ZNHIT3: variants seen among roughly 807,000 people sequenced by gnomAD.
The protein encoded by ZNHIT3 is zinc finger HIT domain-containing protein 3.
A neutral mutation model predicts 19.9 loss-of-function variants in ZNHIT3; 27 were observed. That is an observed-to-expected ratio of 1.36 (90% CI 1.00 to 1.87). ZNHIT3 has a LOEUF of 1.87. Ranked by LOEUF, ZNHIT3 falls within the 40% of genes most tolerant of loss-of-function variation. The pLI is 0.00. For synonymous variants in ZNHIT3, 81 were observed against 65.7 expected, an observed-to-expected ratio of 1.23 and a Z score of -1.13; for missense variants, 215 against 185.6, an observed-to-expected ratio of 1.16 and a Z score of -0.92.
intron 2 of ZNHIT3, among the ~76,000 whole-genome samples, chr17:36,487,879 G>A (rs1234687642): frequency 6.6e-6 from 1 of 151,952 alleles, no homozygotes; most frequent in African/African-American, 2.4e-5. Context: ...CGAGGCGGGC[G>A]GATCATTTGA....
At chr17:36,490,712 A>G (rs1224440989) in intron 2 of ZNHIT3, 1 of 152,146 alleles carries the variant, frequency 6.6e-6, no homozygotes, top group Non-Finnish European at 1.5e-5. Flanking sequence ...TTATTGGTGG[A>G]TATTTACATT....
chr17:36,490,261 A>G (rs993571950), intron 2 of ZNHIT3: 1 of 152,168 alleles, frequency 6.6e-6, no homozygotes, highest in Non-Finnish European at 1.5e-5. Flanking sequence ...ATGGTGACAG[A>G]TAAGGATCTA....
In ZNHIT3 at chr17:36,486,710, T is replaced by G. The variant is rs143659130; in HGVS notation, c.11T>G (p.Leu4Arg). MASLKCSTVVCVIC... is the reference protein window; with the variant it reads MASRKCSTVVCVIC... ...TCCTTCCACAAAACCATGGCGTCGC[T>G]CAAATGTAGCACCGTCGTCTGCGTG... Residue 4 changes from leucine (L) to arginine (R), a missense_variant, in exon 1 of 5, where the codon CTC becomes CGC. Leu to Arg is a moderately radical substitution (Grantham distance 102, BLOSUM62 -2). Coordinates refer to ENST00000617429, the MANE Select transcript of ZNHIT3 (RefSeq NM_004773.4). 1.2e-6 allele frequency: 2 copies of G among 1,613,810 alleles called. No individual in the cohort carries two copies. Among genetic ancestry groups the G allele is most frequent in the Non-Finnish European group, 1.7e-6 (2 of 1,179,892 alleles).
chr17:36,487,273 C>G (rs893002051), intron 2 of ZNHIT3, among the ~76,000 whole-genome samples: 1 of 152,194 alleles, frequency 6.6e-6, no homozygotes, highest in Non-Finnish European at 1.5e-5. Flanking sequence ...CTTTTCCCAC[C>G]GAGGTCTACC....
chr17:36,493,881 GCCT>G (rs755288400), intron 3 of ZNHIT3, 42 bp from the exon 4 acceptor site: 46 of 1,394,198 alleles, frequency 3.3e-5, no homozygotes, highest in Non-Finnish European at 4.7e-5. Context: ...TGGTGCCCAG[GCCT>G]CCTTTTTAGC....
chr17:36,498,271 G>T (rs1270488334), downstream of ZNHIT3: 2 of 1,610,402 alleles, frequency 1.2e-6, no homozygotes, highest in Non-Finnish European at 1.7e-6. Context: ...CGTACCTGAG[G>T]CAGCGCTCGG....
intron 2 of ZNHIT3, chr17:36,489,263 G>A (rs2070668664): frequency 6.6e-6 from 1 of 152,166 alleles, no homozygotes; most frequent in Non-Finnish European, 1.5e-5. Flanking sequence ...AGGAGTGCAG[G>A]TATCTCTTCG....
At chr17:36,497,125 T>A (rs773418109), downstream of ZNHIT3, among the ~76,000 whole-genome samples, 14 of 151,362 alleles carry the variant, frequency 9.2e-5, no homozygotes, top group Non-Finnish European at 1.5e-4. Flanking sequence ...AGGTCAGGAG[T>A]TTGAGACCAG....
At chr17:36,495,899 T>TGGC, downstream of ZNHIT3, 5 of 1,220,418 alleles carry the variant, frequency 4.1e-6, no homozygotes, top group Non-Finnish European at 5.1e-6. Flanking sequence ...AGGCCAACTT[T>TGGC]GGCTGTTTTC....
chr17:36,489,173 G>A (rs1006732573), intron 2 of ZNHIT3: 6 of 152,186 alleles, frequency 3.9e-5, no homozygotes, highest in Non-Finnish European at 7.3e-5. Flanking sequence ...GTGTATATAT[G>A]TACCGCATTT....
At chr17:36,498,985 T>C, downstream of ZNHIT3, 1 of 1,056,016 alleles carries the variant, frequency 9.5e-7, no homozygotes, top group South Asian at 1.4e-5. Context: ...GCCACCTGCA[T>C]TGCAGTGGCA....
At chr17:36,488,748 T>A (rs1353885382) in intron 2 of ZNHIT3, among the ~76,000 whole-genome samples, 4 of 152,224 alleles carry the variant, frequency 2.6e-5, no homozygotes, top group Non-Finnish European at 5.9e-5. Flanking sequence ...GATACTTCGA[T>A]ACCTGTATAC....
chr17:36,495,847 AACC>A (rs1194180179), downstream of ZNHIT3: 7 of 1,241,848 alleles, frequency 5.6e-6, no homozygotes, highest in Middle Eastern at 3.1e-4. Context: ...TAAAGGAAAT[AACC>A]ACAAGATTTT....
chr17:36,495,090 G>A, intron 4 of ZNHIT3, 133 bp from the exon 5 acceptor site: 1 of 1,103,232 alleles, frequency 9.1e-7, no homozygotes, highest in Non-Finnish European at 1.3e-6. Flanking sequence ...CTCCCCAGTT[G>A]CTGGTATTAC....
intron 2 of ZNHIT3, among the ~76,000 whole-genome samples, chr17:36,487,484 C>T (rs921403088): frequency 3.3e-5 from 5 of 152,214 alleles, no homozygotes; most frequent in Non-Finnish European, 7.3e-5. Flanking sequence ...TGTGAACACA[C>T]TTTTGTACAG....
chr17:36,499,112 G>T, downstream of ZNHIT3: 1 of 1,610,740 alleles, frequency 6.2e-7, no homozygotes, highest in African/African-American at 1.3e-5. Flanking sequence ...GACTGTGGCA[G>T]CTGCATGCAG....
intron 3 of ZNHIT3, among the ~76,000 whole-genome samples, chr17:36,493,442 C>T (rs1390184177): frequency 6.6e-6 from 1 of 152,244 alleles, no homozygotes; most frequent in Non-Finnish European, 1.5e-5. Context: ...ATTGAACATT[C>T]ACTCCAAAGG....
downstream of ZNHIT3, chr17:36,499,158 T>C (rs774287731): frequency 1.2e-6 from 2 of 1,602,564 alleles, no homozygotes; most frequent in African/African-American, 1.3e-5. Context: ...CAGGAACGAA[T>C]GGCTAAGAGG....
intron 2 of ZNHIT3, chr17:36,489,087 T>C (rs2070663376): frequency 6.6e-6 from 1 of 152,250 alleles, no homozygotes; most frequent in South Asian, 2.1e-4. Flanking sequence ...CTTGTTTCAC[T>C]TAACATTATG....
Sources: allele counts gnomAD v4.1 joint callset (sites outside exome capture counted in the v4.1 genomes callset), GRCh38; gene constraint gnomAD v4.1.1; transcripts MANE v1.5; gene names NCBI Gene and HGNC (gene_info 2026-07-23, HGNC 2026-07-21).